Variants in ROCK2 observed in about 807,000 individuals in gnomAD.
ROCK2 encodes Rho associated coiled-coil containing protein kinase 2, also known as rho-associated protein kinase 2.
A neutral mutation model predicts 195.1 loss-of-function variants in ROCK2; 61 were observed. The observed-to-expected ratio is 0.31, with a 90% CI of 0.25 to 0.39. ROCK2 has a LOEUF of 0.39. Ranked by LOEUF, ROCK2 falls within the 10% of genes least tolerant of loss-of-function variation. The pLI is 1.00. For missense variants in ROCK2, 1,109 were observed against 1,637.4 expected (o/e 0.68, Z 5.57); for synonymous variants, 504 against 545.5 (o/e 0.92, Z 1.06).
At chr2:11,228,338 AT>A (rs1407550038) in intron 5 of ROCK2, among the ~76,000 whole-genome samples, 1 of 152,200 alleles carries the variant, frequency 6.6e-6, no homozygotes, top group Non-Finnish European at 1.5e-5. Context: ...TGTAAACCTA[AT>A]TTATGTAACT....
At position 11,201,296 on chromosome 2, in the gene ROCK2, G is replaced by C; in HGVS notation, c.2723+14C>G. 3.8e-6 allele frequency: 6 copies of C among 1,569,700 alleles called. No homozygotes were observed. Among genetic ancestry groups the C allele is most frequent in the Non-Finnish European group, 5.3e-6 (6 of 1,140,568 alleles). Reference sequence around the variant, plus strand: ...ACAGCTATGAACAAAAAGAGACAAGGGTCTCATACTTACCGTTCATCCTGT... The same window carrying C: ...ACAGCTATGAACAAAAAGAGACAAGCGTCTCATACTTACCGTTCATCCTGT... On this transcript the variant is annotated intron_variant, in intron 22 of 32. Coordinates refer to ENST00000315872, the MANE Select transcript of ROCK2 (RefSeq NM_004850.5). This position sits in a 1 kb window ranked among gnomAD's most constrained non-coding sequence, Gnocchi z 4.6.
intron 3 of ROCK2, among the ~76,000 whole-genome samples, chr2:11,255,644 G>A (rs1666002963): frequency 6.6e-6 from 1 of 151,078 alleles, no homozygotes; most frequent in Non-Finnish European, 1.5e-5. Flanking sequence ...ACTAGGCCGG[G>A]TGCAGTGGCT....
At chr2:11,244,810 G>GT (rs1331681549) in intron 4 of ROCK2, among the ~76,000 whole-genome samples, 1 of 151,968 alleles carries the variant, frequency 6.6e-6, no homozygotes, top group Non-Finnish European at 1.5e-5. Flanking sequence ...AGCTTTGCAA[G>GT]TAAGTTCATT....
chr2:11,321,771 CTTCA>C (rs1225363384), intron 1 of ROCK2, among the ~76,000 whole-genome samples: 1 of 152,020 alleles, frequency 6.6e-6, no homozygotes, highest in Non-Finnish European at 1.5e-5. Flanking sequence ...TTTGAAGCAT[CTTCA>C]GTCTTACAGC....
At chr2:11,271,313 G>T (rs1666619840) in intron 3 of ROCK2, among the ~76,000 whole-genome samples, 1 of 152,172 alleles carries the variant, frequency 6.6e-6, no homozygotes, top group African/African-American at 2.4e-5. Context: ...AATCTGTAAA[G>T]GTGTGGGGGC....
At chr2:11,277,110 C>T (rs1240095365) in intron 3 of ROCK2, among the ~76,000 whole-genome samples, 1 of 152,120 alleles carries the variant, frequency 6.6e-6, no homozygotes, top group Non-Finnish European at 1.5e-5. Context: ...TAGTGTGGTA[C>T]ATTTGTTACA....
At chr2:11,247,088 T>C (rs1382265267) in intron 4 of ROCK2, among the ~76,000 whole-genome samples, 2 of 152,068 alleles carry the variant, frequency 1.3e-5, no homozygotes, top group African/African-American at 4.8e-5. Context: ...TTAGGCTAGG[T>C]GAAAGATGTC....
chr2:11,221,445 A>C lies in ROCK2; in HGVS notation c.1100-88T>G. ...TATTATGATGTATTATTTATTATTT[A>C]ATAACACTATATAAATTTGTAGCAG... On this transcript the variant is annotated intron_variant, in intron 8 of 32. Transcript: ENST00000315872. 3.2e-6 allele frequency: 3 copies of C among 936,742 alleles called. No homozygotes were observed. In the South Asian group the frequency reaches 6.8e-5, roughly 21 times the overall value. The allele number at this position is 936,742 out of a possible 1,614,324, so 58.0% of individuals were successfully genotyped here. A position where few individuals can be genotyped will look rare whatever the true frequency, so the allele number is the denominator to read the frequency against.
At position 11,201,209 on chromosome 2, in the gene ROCK2, A is replaced by G; in HGVS notation, c.2724-66T>C. The G allele has an allele frequency of 6.5e-7, 1 of 1,536,504 alleles. No homozygotes were observed. The highest frequency in any genetic ancestry group is 1.7e-4 in the Middle Eastern group (1 of 5,794). Reference sequence around the variant, plus strand: ...ACTATGAAGTGAAAGTTTTTGTCTAATTCACTTCATCAATAATTTTTTATT... The same window carrying G: ...ACTATGAAGTGAAAGTTTTTGTCTAGTTCACTTCATCAATAATTTTTTATT... On this transcript the variant is annotated intron_variant, in intron 22 of 32. Transcript: ENST00000315872. This position sits in a 1 kb window ranked among gnomAD's most constrained non-coding sequence, Gnocchi z 4.6.
Position 11,317,465 on chromosome 2 carries a change from T to A in ROCK2, c.141+26531A>T, listed in dbSNP as rs1391467853. Among the ~76,000 whole-genome samples the A allele has an allele frequency of 2.0e-5, 3 of 149,882 alleles. No homozygotes were observed. In the East Asian group the frequency reaches 5.9e-4, roughly 29 times the overall value. Reference sequence around the variant, plus strand: ...AGATAATAACATAACTTTGCAGCATTGTTATGAAAAGGAAATAAAGGACAT... The same window carrying A: ...AGATAATAACATAACTTTGCAGCATAGTTATGAAAAGGAAATAAAGGACAT... On this transcript the variant is annotated intron_variant, in intron 1 of 32. Transcript: ENST00000315872.
intron 3 of ROCK2, among the ~76,000 whole-genome samples, chr2:11,273,288 C>A (rs1182189228): frequency 2.0e-5 from 3 of 151,694 alleles, no homozygotes; most frequent in African/African-American, 7.3e-5. Context: ...ACTTTAGATC[C>A]AAAGACACAA....
At chr2:11,317,606 A>ATTTTTT (rs1215755085) in intron 1 of ROCK2, among the ~76,000 whole-genome samples, 3 of 16,150 alleles carry the variant, frequency 1.9e-4, no homozygotes, top group South Asian at 2.3e-3. Context: ...ATATATATAT[A>ATTTTTT]TATATATTTT....
At chr2:11,256,455 C>T (rs925959880) in intron 3 of ROCK2, among the ~76,000 whole-genome samples, 5 of 151,430 alleles carry the variant, frequency 3.3e-5, no homozygotes, top group South Asian at 2.1e-4. Context: ...TGCCCAGCCA[C>T]GCTTCCTGTA....
rs531082163 is a variant in ROCK2 at position 11,336,459 on chromosome 2, C to T, written c.141+7537G>A. Among the ~76,000 whole-genome samples the T allele has an allele frequency of 8.5e-5, 13 of 152,222 alleles. No homozygotes were observed. In the South Asian group the frequency reaches 2.1e-3, roughly 24 times the overall value. On this transcript the variant is annotated intron_variant, in intron 1 of 32. Transcript: ENST00000315872. Reference sequence around the variant, plus strand: ...AGGCGACAAATCTCACCATGTTGCCCAGGCTGGTCTCAAACTTCTAGCCTC... The same window carrying T: ...AGGCGACAAATCTCACCATGTTGCCTAGGCTGGTCTCAAACTTCTAGCCTC...
chr2:11,344,776 C>T (rs1046747394), upstream of ROCK2, among the ~76,000 whole-genome samples: 1 of 150,348 alleles, frequency 6.7e-6, no homozygotes, highest in Non-Finnish European at 1.5e-5. This position sits in a 1 kb window ranked among gnomAD's most constrained non-coding sequence, Gnocchi z 5.4. Flanking sequence ...TGCGTCTGTC[C>T]CGCTCCGCTT....
At chr2:11,208,709 G>A (rs1333040985) in intron 18 of ROCK2, among the ~76,000 whole-genome samples, 4 of 150,140 alleles carry the variant, frequency 2.7e-5, no homozygotes, top group South Asian at 2.1e-4. Context: ...CTCGTGCCTC[G>A]GCCTCCAGAC....
chr2:11,292,329 G>A (rs758372810), intron 1 of ROCK2, among the ~76,000 whole-genome samples: 7 of 152,040 alleles, frequency 4.6e-5, no homozygotes, highest in Non-Finnish European at 1.0e-4. Context: ...ACCATGTATT[G>A]TGCAAAGCAC....
chr2:11,210,161 T>C (rs1664198127), intron 18 of ROCK2, among the ~76,000 whole-genome samples: 1 of 152,160 alleles, frequency 6.6e-6, no homozygotes, highest in African/African-American at 2.4e-5. Flanking sequence ...TACATTAGCG[T>C]TTTAATAGTT....
chr2:11,313,674 G>A (rs1668107000), intron 1 of ROCK2, among the ~76,000 whole-genome samples: 2 of 151,648 alleles, frequency 1.3e-5, no homozygotes, highest in South Asian at 4.1e-4. Flanking sequence ...TTCACTTTCA[G>A]TAAATAAAAA....
Sources: allele counts gnomAD v4.1 joint callset (sites outside exome capture counted in the v4.1 genomes callset), GRCh38; gene constraint gnomAD v4.1.1; non-coding constraint Gnocchi (gnomAD v3.1); transcripts MANE v1.5; gene names NCBI Gene and HGNC (gene_info 2026-07-23, HGNC 2026-07-21).